IL1RAPL1: variants seen among roughly 807,000 people sequenced by gnomAD.
The protein encoded by IL1RAPL1 is interleukin-1 receptor accessory protein-like 1.
A neutral mutation model predicts 48.4 loss-of-function variants in IL1RAPL1; 3 were observed. That is an observed-to-expected ratio of 0.06 (90% CI 0.03 to 0.16). The LOEUF (loss-of-function observed/expected upper bound fraction) is 0.16. IL1RAPL1 is among the 10% of genes least tolerant of loss of function. IL1RAPL1 has a pLI of 1.00. For synonymous variants in IL1RAPL1, 185 were observed against 187.7 expected (o/e 0.99, Z 0.12); for missense variants, 349 against 530.6 (o/e 0.66, Z 3.36).
intron 5 of IL1RAPL1, among the ~76,000 whole-genome samples, chrX:29,541,780 A>G (rs1009891452): frequency 9.9e-5 from 11 of 110,657 alleles, no homozygotes; most frequent in African/African-American, 3.3e-4. Flanking sequence ...ACTGGGGACT[A>G]CTAAAGGATG....
chrX:29,574,636 C>A lies in IL1RAPL1; in HGVS notation c.704-93794C>A, dbSNP rs73631667. On this transcript the variant is annotated intron_variant, in intron 5 of 10. Coordinates refer to ENST00000378993, the MANE Select transcript of IL1RAPL1 (RefSeq NM_014271.4). The stretch of plus-strand genomic sequence containing the variant: ...TCCTCTTTACTTATGCAAATCTCTG[C>A]AGCCAGCTTGAGTACTCCCCAGAAA... Among the ~76,000 whole-genome samples, 814 of 111,511 alleles carry A rather than the reference C, an allele frequency of 7.3e-3. 7 individuals carry two copies. Among genetic ancestry groups the A allele is most frequent in the African/African-American group, 0.025 (755 of 30,628 alleles).
intron 6 of IL1RAPL1, among the ~76,000 whole-genome samples, chrX:29,673,400 G>A (rs7052954): frequency 0.086 from 9,552 of 110,914 alleles, 341 homozygotes; most frequent in Middle Eastern, 0.21. Context: ...AGTCAGTATC[G>A]GCCAGATTTT....
chrX:29,720,841 CA>C (rs1927621083), intron 6 of IL1RAPL1, among the ~76,000 whole-genome samples: 1 of 111,937 alleles, frequency 8.9e-6, no homozygotes, highest in Admixed American at 9.4e-5. Context: ...AAGTTAGCAG[CA>C]AAAATAGAAT....
chrX:28,672,626 C>T (rs1002664921), intron 1 of IL1RAPL1, among the ~76,000 whole-genome samples: 1 of 111,187 alleles, frequency 9.0e-6, no homozygotes, highest in African/African-American at 3.3e-5. Context: ...TCATGTTCCT[C>T]ATATCTACCA....
At chrX:28,591,629 AG>A (rs1933908169) in intron 1 of IL1RAPL1, among the ~76,000 whole-genome samples, 2 of 111,475 alleles carry the variant, frequency 1.8e-5, no homozygotes, top group African/African-American at 6.5e-5. Flanking sequence ...GCTATAGGTA[AG>A]GTCGCGTCAG....
chrX:29,014,920 C>G (rs907364504), intron 2 of IL1RAPL1, among the ~76,000 whole-genome samples: 11 of 111,183 alleles, frequency 9.9e-5, no homozygotes, highest in African/African-American at 3.6e-4. Context: ...CTGCTAGTGC[C>G]AATCAAATCT....
intron 2 of IL1RAPL1, among the ~76,000 whole-genome samples, chrX:29,006,803 G>C (rs1403143483): frequency 1.8e-5 from 2 of 109,490 alleles, no homozygotes; most frequent in Non-Finnish European, 3.8e-5. Flanking sequence ...GGCAGTGACA[G>C]CTGGGGGCTC....
chrX:29,773,944 A>C (rs1031738780), intron 6 of IL1RAPL1, among the ~76,000 whole-genome samples: 1 of 112,227 alleles, frequency 8.9e-6, no homozygotes, highest in Non-Finnish European at 1.9e-5. Flanking sequence ...CCTCATGCAC[A>C]TGTAACTCTA....
At position 29,589,870 on chromosome X, in the gene IL1RAPL1, T is replaced by C. The variant is rs1324045700; in HGVS notation, c.704-78560T>C. The stretch of plus-strand genomic sequence containing the variant: ...AGTTCTGCGGGCTTTACAGGAGGCA[T>C]GGTGCTGGCATCTGCTCGGCTTCTG... On this transcript the variant is annotated intron_variant, in intron 5 of 10. Transcript: ENST00000378993. Among the ~76,000 whole-genome samples the C allele has an allele frequency of 3.6e-5, 4 of 111,094 alleles. No individual in the cohort carries two copies. In the East Asian group the frequency reaches 1.1e-3, roughly 32 times the overall value.
intron 2 of IL1RAPL1, among the ~76,000 whole-genome samples, chrX:28,897,517 T>C (rs775359911): frequency 1.8e-5 from 2 of 110,446 alleles, no homozygotes; most frequent in South Asian, 7.8e-4. Flanking sequence ...GGTTGAGGGA[T>C]AGTGAGAGAG....
intron 1 of IL1RAPL1, among the ~76,000 whole-genome samples, chrX:28,599,328 G>C (rs919739432): frequency 2.7e-5 from 3 of 110,071 alleles, no homozygotes; most frequent in Non-Finnish European, 3.8e-5. Flanking sequence ...AAACCTCTCA[G>C]TCTCTGTCAG....
At chrX:29,683,781 A>G (rs1013551622) in intron 6 of IL1RAPL1, among the ~76,000 whole-genome samples, 4 of 112,298 alleles carry the variant, frequency 3.6e-5, no homozygotes, top group African/African-American at 9.7e-5. Flanking sequence ...TGTCTCATCA[A>G]GTAGAACATC....
At chrX:29,458,807 G>T (rs747100990) in intron 5 of IL1RAPL1, among the ~76,000 whole-genome samples, 1 of 109,471 alleles carries the variant, frequency 9.1e-6, no homozygotes, top group East Asian at 2.9e-4. Context: ...TCCTACCTCA[G>T]CCTTCTAAAG....
At chrX:29,903,307 GCTTTT>G (rs1932535754) in intron 6 of IL1RAPL1, among the ~76,000 whole-genome samples, 1 of 110,935 alleles carries the variant, frequency 9.0e-6, no homozygotes, top group African/African-American at 3.3e-5. Context: ...AAACCACTTT[GCTTTT>G]ATCTTAAATG....
intron 1 of IL1RAPL1, among the ~76,000 whole-genome samples, chrX:28,672,708 T>C: frequency 8.9e-6 from 1 of 111,750 alleles, no homozygotes; most frequent in East Asian, 2.8e-4. Flanking sequence ...AAGGAATCCA[T>C]TATTTCCAGG....
chrX:29,501,031 C>T (rs1406543222), intron 5 of IL1RAPL1, among the ~76,000 whole-genome samples: 1 of 111,647 alleles, frequency 9.0e-6, no homozygotes, highest in East Asian at 2.8e-4. Context: ...TTTTGGTTTG[C>T]ATTTATTTGA....
intron 5 of IL1RAPL1, among the ~76,000 whole-genome samples, chrX:29,404,687 T>C (rs948765532): frequency 8.9e-6 from 1 of 111,744 alleles, no homozygotes; most frequent in Admixed American, 9.6e-5. Context: ...AAATAAAATA[T>C]TTTATTTTAC....
At chrX:29,053,424 T>C (rs969874755) in intron 2 of IL1RAPL1, among the ~76,000 whole-genome samples, 12 of 111,829 alleles carry the variant, frequency 1.1e-4, no homozygotes, top group African/African-American at 3.6e-4. Flanking sequence ...AATTAGTAGT[T>C]CTGTTTTTAG....
At chrX:29,196,168 A>G (rs745352572) in intron 2 of IL1RAPL1, among the ~76,000 whole-genome samples, 4 of 112,084 alleles carry the variant, frequency 3.6e-5, no homozygotes, top group East Asian at 2.8e-4. Flanking sequence ...TTGCAGATGT[A>G]TTTTGTACTT....
Sources: gnomAD v4.1 joint callset for allele counts (sites outside exome capture counted in the v4.1 genomes callset) on GRCh38, gnomAD v4.1.1 for gene constraint, MANE v1.5 for transcripts, NCBI Gene and HGNC (gene_info 2026-07-23, HGNC 2026-07-21) for gene names.